Variants in FARS2 observed in about 807,000 individuals in gnomAD.
FARS2 encodes phenylalanyl-tRNA synthetase 2, mitochondrial.
A neutral mutation model predicts 46.4 loss-of-function variants in FARS2; 40 were observed. The ratio of observed to expected loss-of-function variants is 0.86; its 90% CI spans 0.67 to 1.12. FARS2 has a LOEUF of 1.12. Ranked by LOEUF, FARS2 falls within the 50% of genes most tolerant of loss-of-function variation. The probability of loss-of-function intolerance (pLI) is 0.00; values close to 1 mark genes in which losing one functional copy is unlikely to be tolerated. For missense variants in FARS2, 513 were observed against 567.9 expected (o/e 0.90, Z 0.98); for synonymous variants, 234 against 214.9 (o/e 1.09, Z -0.78).
chr6:5,758,952 G>A (rs1202130608), intron 6 of FARS2, among the ~76,000 whole-genome samples: 1 of 151,574 alleles, frequency 6.6e-6, no homozygotes, highest in Non-Finnish European at 1.5e-5. Context: ...AAATAGGAAG[G>A]GCAGAGAGAT....
intron 1 of FARS2, among the ~76,000 whole-genome samples, chr6:5,307,629 C>T (rs934954897): frequency 6.6e-6 from 1 of 152,186 alleles, no homozygotes; most frequent in African/African-American, 2.4e-5. Flanking sequence ...GTTTTAAGTT[C>T]GTTAACTTGA....
chr6:5,467,017 T>C (rs1765552860), intron 4 of FARS2: 1 of 985,076 alleles, frequency 1.0e-6, no homozygotes, highest in South Asian at 4.7e-5. Context: ...AGACATTGAA[T>C]ACAAATTAAA....
At chr6:5,350,467 C>T (rs763797574) in intron 1 of FARS2, among the ~76,000 whole-genome samples, 1 of 152,126 alleles carries the variant, frequency 6.6e-6, no homozygotes, top group East Asian at 1.9e-4. Flanking sequence ...GTGGCATTTG[C>T]GAAAGGTTAG....
rs546139086 is a variant in FARS2 at position 5,528,575 on chromosome 6, C to T, written c.905-16605C>T. On this transcript the variant is annotated intron_variant, in intron 4 of 6. Coordinates refer to ENST00000274680, the MANE Select transcript of FARS2 (RefSeq NM_006567.5). ...GCATACCTGGGTTCACATCCCAGAT[C>T]GAGCACTTGCTTGCTGTTGGTTGAC... Among the ~76,000 whole-genome samples the T allele has an allele frequency of 5.3e-5, 8 of 152,318 alleles. No individual in the cohort carries two copies. In the East Asian group the frequency reaches 1.3e-3, roughly 26 times the overall value.
intron 1 of FARS2, among the ~76,000 whole-genome samples, chr6:5,332,510 TG>T (rs1770865987): frequency 1.3e-5 from 2 of 152,228 alleles, no homozygotes; most frequent in African/African-American, 4.8e-5. Context: ...TATGTGAGTT[TG>T]GAAGATGTTA....
intron 1 of FARS2, among the ~76,000 whole-genome samples, chr6:5,304,389 G>A (rs1768545644): frequency 1.3e-5 from 2 of 152,220 alleles, no homozygotes; most frequent in African/African-American, 4.8e-5. Flanking sequence ...ACTAATAACA[G>A]TTAAAGGTAT....
intron 4 of FARS2, among the ~76,000 whole-genome samples, chr6:5,487,421 T>G (rs569056084): frequency 6.6e-6 from 1 of 152,318 alleles, no homozygotes; most frequent in East Asian, 1.9e-4. Context: ...TAACATATAG[T>G]GTGCACTCAG....
chr6:5,448,884 A>G (rs1449483394), intron 4 of FARS2, among the ~76,000 whole-genome samples: 1 of 152,212 alleles, frequency 6.6e-6, no homozygotes, highest in Non-Finnish European at 1.5e-5. Flanking sequence ...TCATGATGCC[A>G]TTTCACAAGA....
chr6:5,566,502 G>A (rs1199171311), intron 5 of FARS2, among the ~76,000 whole-genome samples: 1 of 152,152 alleles, frequency 6.6e-6, no homozygotes, highest in Non-Finnish European at 1.5e-5. Flanking sequence ...CCCCAAAACA[G>A]GGTTTGTGAT....
At chr6:5,376,180 T>C (rs1014934930) in intron 2 of FARS2, among the ~76,000 whole-genome samples, 1 of 152,168 alleles carries the variant, frequency 6.6e-6, no homozygotes, top group African/African-American at 2.4e-5. Context: ...TGCATATAGG[T>C]GGTGAGCACA....
chr6:5,282,475 A>G (rs989928822), intron 1 of FARS2, among the ~76,000 whole-genome samples: 6 of 152,204 alleles, frequency 3.9e-5, no homozygotes, highest in Admixed American at 3.3e-4. Context: ...TAGCCGGTGC[A>G]TATGGGGAAG....
At chr6:5,598,245 T>C (rs1218053675) in intron 5 of FARS2, among the ~76,000 whole-genome samples, 3 of 152,014 alleles carry the variant, frequency 2.0e-5, no homozygotes, top group Admixed American at 6.5e-5. Context: ...TAGTCAGGCA[T>C]GGTGGTACCT....
chr6:5,683,140 T>C (rs1779118016), intron 6 of FARS2, among the ~76,000 whole-genome samples: 2 of 152,130 alleles, frequency 1.3e-5, no homozygotes, highest in African/African-American at 2.4e-5. Flanking sequence ...ATCTGACTTA[T>C]TGAGAGAATG....
chr6:5,745,931 T>C (rs1345639595), intron 6 of FARS2, among the ~76,000 whole-genome samples: 1 of 152,058 alleles, frequency 6.6e-6, no homozygotes, highest in Non-Finnish European at 1.5e-5. Context: ...TGGGGAGACC[T>C]CGTCATTGGA....
chr6:5,342,320 G>A (rs2089888034), intron 1 of FARS2, among the ~76,000 whole-genome samples: 1 of 152,142 alleles, frequency 6.6e-6, no homozygotes, highest in South Asian at 2.1e-4. Context: ...GTGTTTATTT[G>A]CACAACTATT....
At chr6:5,678,893 A>G (rs1301249638) in intron 6 of FARS2, among the ~76,000 whole-genome samples, 1 of 152,234 alleles carries the variant, frequency 6.6e-6, no homozygotes, top group Non-Finnish European at 1.5e-5. Flanking sequence ...AAGTTCTACC[A>G]GCTGACCGAA....
intron 6 of FARS2, among the ~76,000 whole-genome samples, chr6:5,719,603 G>A (rs540178090): frequency 6.6e-6 from 1 of 152,218 alleles, no homozygotes; most frequent in East Asian, 1.9e-4. Context: ...GCCCTCGTGA[G>A]GCCTCAACTC....
At chr6:5,714,979 C>T (rs533083897) in intron 6 of FARS2, among the ~76,000 whole-genome samples, 5 of 152,066 alleles carry the variant, frequency 3.3e-5, no homozygotes, top group East Asian at 1.9e-4. Context: ...GAGTGGAGAT[C>T]GCGCCACTGC....
the FARS2 span, among the ~76,000 whole-genome samples, chr6:5,254,298 G>A: frequency 3.3e-5 from 5 of 152,100 alleles, no homozygotes; most frequent in African/African-American, 9.7e-5. Flanking sequence ...GAAGCATCTC[G>A]ACAACTTTTT....
Sources: gnomAD v4.1 joint callset for allele counts (sites outside exome capture counted in the v4.1 genomes callset) on GRCh38, gnomAD v4.1.1 for gene constraint, MANE v1.5 for transcripts, NCBI Gene and HGNC (gene_info 2026-07-23, HGNC 2026-07-21) for gene names.